The following ABCC5 variants were observed in gnomAD, a reference collection of about 807,000 sequenced individuals.
ABCC5 encodes ATP-binding cassette sub-family C member 5.
In ABCC5, 61 loss-of-function variants were observed where a neutral mutation model predicts 160.9. The observed-to-expected ratio is 0.38, with a 90% CI of 0.31 to 0.47. The LOEUF (loss-of-function observed/expected upper bound fraction) is 0.47. Ranked by LOEUF, ABCC5 falls within the 20% of genes least tolerant of loss-of-function variation. ABCC5 has a pLI of 0.99. For synonymous variants in ABCC5, 666 were observed against 700.6 expected (o/e 0.95, Z 0.78); for missense variants, 1,308 against 1,813.3 (o/e 0.72, Z 5.06).
chr3:183,997,679 C>T (rs948964960), intron 2 of ABCC5, among the ~76,000 whole-genome samples: 4 of 152,168 alleles, frequency 2.6e-5, no homozygotes, highest in African/African-American at 9.7e-5. Context: ...TTCAAAATAC[C>T]TTCTTTCCCT....
rs761229863 is a variant in ABCC5, at chr3:183,951,696, G to A, written c.2815-126C>T. On this transcript the variant is annotated intron_variant, in intron 19 of 29. Coordinates refer to ENST00000334444, the MANE Select transcript of ABCC5 (RefSeq NM_005688.4). This position sits in a 1 kb window ranked among gnomAD's most constrained non-coding sequence, Gnocchi z 4.7. ...TGTGAGGGGTCAGGAGGGACAGGTG[G>A]CAAGTGAGAAAAGGTGGAGGCTAAC... 31 of 1,477,044 alleles carry A rather than the reference G, an allele frequency of 2.1e-5. No homozygotes were observed. Among genetic ancestry groups the A allele is most frequent in the Non-Finnish European group, 2.7e-5 (30 of 1,092,106 alleles). 91.5% of individuals were successfully genotyped at this position (1,477,044 alleles called of 1,614,324 possible). A position where few individuals can be genotyped will look rare whatever the true frequency, so the allele number is the denominator to read the frequency against.
chr3:183,957,063 C>T (rs1332661337), intron 17 of ABCC5, among the ~76,000 whole-genome samples: 9 of 117,380 alleles, frequency 7.7e-5, no homozygotes, highest in African/African-American at 2.3e-4. Flanking sequence ...TACATCACAT[C>T]GGTTACATGC....
At chr3:184,004,907 A>C (rs1051710514) in intron 2 of ABCC5, among the ~76,000 whole-genome samples, 5 of 152,162 alleles carry the variant, frequency 3.3e-5, no homozygotes, top group African/African-American at 4.8e-5. Flanking sequence ...CCACATAAAT[A>C]TAGATTTCAT....
intron 25 of ABCC5, among the ~76,000 whole-genome samples, chr3:183,940,333 AC>A (rs1352985644): frequency 7.6e-6 from 1 of 131,794 alleles, no homozygotes; most frequent in East Asian, 2.6e-4. Flanking sequence ...CCCTGTCTCT[AC>A]TAAAAAATAC....
chr3:183,978,644 G>C lies in ABCC5; in HGVS notation c.1155C>G (p.Arg385=). ...TTTCCAATATCCGACGCTCCTCCTC[G>C]CGGATTTCTATGAATAAAAAGCAAG... ...KAFSQSVQKI[R]EEERRILEKA... is the part of the protein sequence containing the mutation. Residue 385 remains arginine, a synonymous_variant, in exon 9 of 30, where the codon CGC becomes CGG. Transcript: ENST00000334444. 1 of 1,612,586 alleles carries C rather than the reference G, an allele frequency of 6.2e-7. No individual in the cohort carries two copies. Among genetic ancestry groups the C allele is most frequent in the Non-Finnish European group, 8.5e-7 (1 of 1,179,586 alleles).
chr3:183,961,417 A>G, intron 16 of ABCC5, 94 bp downstream of exon 16: 9 of 1,469,940 alleles, frequency 6.1e-6, no homozygotes, highest in Non-Finnish European at 8.3e-6. Context: ...AGACACAGAC[A>G]CTGGATTCAG....
At position 183,982,345 on chromosome 3, in the gene ABCC5, T is replaced by C. The variant is rs529691287; in HGVS notation, c.999+106A>G. On this transcript the variant is annotated intron_variant, in intron 7 of 29. Coordinates refer to ENST00000334444, the MANE Select transcript of ABCC5 (RefSeq NM_005688.4). This position sits in a 1 kb window ranked among gnomAD's most constrained non-coding sequence, Gnocchi z 5.2. ...CTAGATTGAACCTGCTTTGAGGAAA[T>C]TTCCAATCAGAGCTGTGAGACCTCA... is the stretch of plus-strand genomic sequence containing the variant. 5.4e-6 allele frequency: 7 copies of C among 1,303,884 alleles called. No homozygotes were observed. The East Asian group carries it at 1.7e-4, about 32-fold the overall frequency. The allele number at this position is 1,303,884 out of a possible 1,614,324, so 80.8% of individuals were successfully genotyped here.
chr3:183,931,022 C>T (rs2108764991), intron 26 of ABCC5, among the ~76,000 whole-genome samples: 1 of 152,196 alleles, frequency 6.6e-6, no homozygotes, highest in South Asian at 2.1e-4. Flanking sequence ...ATGTTTTTTT[C>T]CCCTATATAT....
chr3:183,960,065 AAC>A (rs1002815814), intron 16 of ABCC5, among the ~76,000 whole-genome samples: 2 of 152,198 alleles, frequency 1.3e-5, no homozygotes, highest in Non-Finnish European at 2.9e-5. Flanking sequence ...CTAAACTCCA[AAC>A]ACAGTAACCT....
intron 10 of ABCC5, 40 bp downstream of exon 10, chr3:183,977,477 G>C (rs760912969): frequency 8.3e-6 from 12 of 1,450,716 alleles, no homozygotes. Flanking sequence ...GTTGTGTGGG[G>C]AGGGCTCCTG....
intron 29 of ABCC5, among the ~76,000 whole-genome samples, chr3:183,924,079 T>G (rs1235469033): frequency 1.4e-5 from 2 of 147,506 alleles, no homozygotes; most frequent in African/African-American, 5.1e-5. Context: ...GCAGTGGCGC[T>G]ATCTCAGCTC....
chr3:183,979,820 C>T (rs962912416), intron 8 of ABCC5, among the ~76,000 whole-genome samples: 1 of 152,124 alleles, frequency 6.6e-6, no homozygotes, highest in Admixed American at 6.5e-5. Flanking sequence ...CTCTAGTGAT[C>T]CTGTCTCTCC....
intron 16 of ABCC5, 62 bp from the exon 17 acceptor site, chr3:183,959,897 G>T: frequency 8.4e-7 from 1 of 1,191,274 alleles, no homozygotes; most frequent in Non-Finnish European, 1.2e-6. Flanking sequence ...ATGTCCACAG[G>T]ATACATATTA....
At position 183,967,782 on chromosome 3, in the gene ABCC5, A is replaced by G. The variant is rs1463694158; in HGVS notation, c.1762-16T>C. On this transcript the variant is annotated splice_polypyrimidine_tract_variant and intron_variant, in intron 11 of 29. Transcript: ENST00000334444. ...CCAGTTTACCCTGGACAAGGCACAC[A>G]GAGAGGAGGGTCATTTAGAGACTAC... 6.2e-7 allele frequency: 1 copy of G among 1,601,966 alleles called. No individual in the cohort carries two copies. Among genetic ancestry groups the G allele is most frequent in the Non-Finnish European group, 8.6e-7 (1 of 1,169,142 alleles).
intron 8 of ABCC5, among the ~76,000 whole-genome samples, chr3:183,981,510 T>C (rs1349559166): frequency 6.6e-6 from 1 of 152,160 alleles, no homozygotes; most frequent in Non-Finnish European, 1.5e-5. Context: ...AAAATCAACA[T>C]TTTCCCAGGT....
chr3:183,956,977 C>T (rs1395299375), intron 17 of ABCC5, among the ~76,000 whole-genome samples: 5 of 150,366 alleles, frequency 3.3e-5, no homozygotes, highest in East Asian at 2.0e-4. Context: ...CGGTTACATG[C>T]GGATCCGTGT....
chr3:183,965,481 G>A lies in ABCC5; in HGVS notation c.1854C>T (p.Ser618=), dbSNP rs774731594. The A allele has an allele frequency of 5.0e-6, 8 of 1,613,706 alleles. No individual in the cohort carries two copies. In the Admixed American group the frequency reaches 1.3e-4, roughly 27 times the overall value. ...AAGCGAAGGTTCCACTGATTGCAAT[G>A]CTGCCCTCTAGAAGCGTCATCTAGG... The part of the protein sequence containing the change: ...ILGQMTLLEG[S]IAISGTFAYV... Residue 618 remains serine (S), a synonymous_variant, in exon 13 of 30, where the codon AGC becomes AGT. Transcript: ENST00000334444.
chr3:183,923,028 C>T (rs946123618), intron 29 of ABCC5, among the ~76,000 whole-genome samples: 1 of 152,164 alleles, frequency 6.6e-6, no homozygotes, highest in Non-Finnish European at 1.5e-5. Context: ...CAGAGAGCAT[C>T]CCATCTGTTG....
intron 2 of ABCC5, chr3:184,010,065 G>A (rs1201231476): frequency 3.0e-6 from 1 of 337,806 alleles, no homozygotes; most frequent in Non-Finnish European, 5.9e-6. Flanking sequence ...CCAGTACTTT[G>A]GGAGGCCAAG....
Sources: gnomAD v4.1 joint callset for allele counts (sites outside exome capture counted in the v4.1 genomes callset) on GRCh38, gnomAD v4.1.1 for gene constraint, Gnocchi (gnomAD v3.1) non-coding constraint, MANE v1.5 for transcripts, NCBI Gene and HGNC (gene_info 2026-07-23, HGNC 2026-07-21) for gene names.